Variants in GRIN2A observed in about 807,000 individuals in gnomAD.
GRIN2A encodes the protein glutamate receptor ionotropic, NMDA 2A.
A neutral mutation model predicts 113.4 loss-of-function variants in GRIN2A; 22 were observed. The observed-to-expected ratio is 0.19, with a 90% CI of 0.14 to 0.28. The LOEUF (loss-of-function observed/expected upper bound fraction) is 0.28. GRIN2A is among the 10% of genes least tolerant of loss of function. GRIN2A has a pLI of 1.00. For synonymous variants in GRIN2A, 827 were observed against 738.4 expected (o/e 1.12, Z -1.94); for missense variants, 1,502 against 1,887.0 (o/e 0.80, Z 3.78).
intron 2 of GRIN2A, among the ~76,000 whole-genome samples, chr16:10,000,769 T>C (rs1291432638): frequency 1.3e-5 from 2 of 152,218 alleles, no homozygotes; most frequent in East Asian, 3.8e-4. Context: ...TCTCTTCCGC[T>C]GCTGTCTTCA....
At position 9,846,073 on chromosome 16, in the gene GRIN2A, A is replaced by C. The variant is rs138930406; in HGVS notation, c.1328+3683T>G. Among the ~76,000 whole-genome samples the C allele has an allele frequency of 2.3e-3, 351 of 152,372 alleles. 1 individual carries two copies. Among genetic ancestry groups the C allele is most frequent in the African/African-American group, 8.1e-3 (337 of 41,600 alleles). On this transcript the variant is annotated intron_variant, in intron 5 of 12. Coordinates refer to ENST00000330684, the MANE Select transcript of GRIN2A (RefSeq NM_001134407.3). ...CAATGTCTGTGTTATTTCACTGTAA[A>C]GGAATTCAGCAAAAATCATTAAAAC...
chr16:9,987,207 C>T (rs1596391031), intron 2 of GRIN2A, among the ~76,000 whole-genome samples: 1 of 152,202 alleles, frequency 6.6e-6, no homozygotes, highest in Non-Finnish European at 1.5e-5. Context: ...AAAACAGAAT[C>T]TAACCCTAAC....
At chr16:9,919,874 C>T (rs572547954) in intron 3 of GRIN2A, among the ~76,000 whole-genome samples, 29 of 152,204 alleles carry the variant, frequency 1.9e-4, no homozygotes, top group Non-Finnish European at 3.7e-4. Context: ...CCTTGGCAGT[C>T]CCCAATCCAA....
In GRIN2A at chr16:10,109,014, T is replaced by TAAAA. The variant is rs56946708; in HGVS notation, c.414+70980_414+70983dup. ...AATGAAACCCAAAGCTGATTCTCTT[T>TAAAA]AAAAAAAAAAAAAAAAAAAAACAAA... is the stretch of plus-strand genomic sequence containing the variant. On this transcript the variant is annotated intron_variant, in intron 2 of 12. Transcript: ENST00000330684. Among the ~76,000 whole-genome samples, 558 of 114,020 alleles carry TAAAA rather than the reference T, an allele frequency of 4.9e-3. 2 individuals carry two copies. Among genetic ancestry groups the TAAAA allele is most frequent in the African/African-American group, 0.022 (517 of 23,822 alleles). 74.8% of individuals were successfully genotyped at this position (114,020 alleles called of 152,430 possible). A position where few individuals can be genotyped will look rare whatever the true frequency, so the allele number is the denominator to read the frequency against.
chr16:9,900,700 C>T (rs1301305831), intron 3 of GRIN2A, among the ~76,000 whole-genome samples: 1 of 152,140 alleles, frequency 6.6e-6, no homozygotes, highest in Non-Finnish European at 1.5e-5. Flanking sequence ...TCAGGCTGCT[C>T]TTGGAACCTG....
chr16:10,143,292 G>A (rs923599147), intron 2 of GRIN2A, among the ~76,000 whole-genome samples: 1 of 152,188 alleles, frequency 6.6e-6, no homozygotes, highest in Non-Finnish European at 1.5e-5. Context: ...GTATTCCAGT[G>A]TGTGGTATAC....
At chr16:10,083,882 A>C (rs953595329) in intron 2 of GRIN2A, among the ~76,000 whole-genome samples, 13 of 152,188 alleles carry the variant, frequency 8.5e-5, no homozygotes, top group Non-Finnish European at 1.6e-4. Flanking sequence ...CAGGTGGATC[A>C]CTAAAGCTCA....
intron 2 of GRIN2A, among the ~76,000 whole-genome samples, chr16:10,150,101 C>A (rs553194850): frequency 1.3e-5 from 2 of 152,288 alleles, no homozygotes; most frequent in South Asian, 4.2e-4. Context: ...AACAGTTGGT[C>A]CCCCTTGATT....
chr16:10,091,944 G>A (rs954961763), intron 2 of GRIN2A, among the ~76,000 whole-genome samples: 1 of 152,116 alleles, frequency 6.6e-6, no homozygotes, highest in African/African-American at 2.4e-5. Flanking sequence ...TGGGGTGATG[G>A]TTGCAAAATC....
chr16:9,908,877 A>G (rs2044078677), intron 3 of GRIN2A, among the ~76,000 whole-genome samples: 1 of 152,156 alleles, frequency 6.6e-6, no homozygotes, highest in African/African-American at 2.4e-5. Flanking sequence ...CCCTGGTGAC[A>G]TTGGGAAAGT....
chr16:10,080,674 G>A (rs535428620), intron 2 of GRIN2A, among the ~76,000 whole-genome samples: 1 of 152,148 alleles, frequency 6.6e-6, no homozygotes, highest in Non-Finnish European at 1.5e-5. Context: ...GGGAGCGATG[G>A]AGTACAGATG....
intron 4 of GRIN2A, among the ~76,000 whole-genome samples, chr16:9,859,430 C>G (rs1459191836): frequency 6.6e-6 from 1 of 151,992 alleles, no homozygotes; most frequent in African/African-American, 2.4e-5. Context: ...ATCAGTACAC[C>G]TACACATATA....
intron 2 of GRIN2A, chr16:10,112,927 TG>T (rs2048647674): frequency 2.5e-6 from 1 of 406,650 alleles, no homozygotes; most frequent in African/African-American, 2.1e-5. Context: ...CATACCCCAG[TG>T]TCCACCTTCG....
At chr16:10,168,975 C>CAAT (rs59963663) in intron 2 of GRIN2A, among the ~76,000 whole-genome samples, 2,743 of 141,506 alleles carry the variant, frequency 0.019, 21 homozygotes, top group East Asian at 0.044. Context: ...CAAATAATAA[C>CAAT]AATAATAATA....
intron 3 of GRIN2A, among the ~76,000 whole-genome samples, chr16:9,927,166 A>AGTGT (rs2044484500): frequency 6.6e-6 from 1 of 152,244 alleles, no homozygotes; most frequent in African/African-American, 2.4e-5. Context: ...CATTGTTAAC[A>AGTGT]GAACTCAAAT....
chr16:9,766,184 G>T (rs2141141679), intron 12 of GRIN2A, among the ~76,000 whole-genome samples: 1 of 152,230 alleles, frequency 6.6e-6, no homozygotes, highest in East Asian at 1.9e-4. Context: ...ACTATGAAGG[G>T]GTTTGTAGGG....
At chr16:10,105,364 G>C (rs888448600) in intron 2 of GRIN2A, among the ~76,000 whole-genome samples, 1 of 152,156 alleles carries the variant, frequency 6.6e-6, no homozygotes, top group African/African-American at 2.4e-5. Flanking sequence ...CTGGGAAATA[G>C]AACAGTCACA....
At chr16:10,123,964 G>C (rs2048879998) in intron 2 of GRIN2A, among the ~76,000 whole-genome samples, 2 of 152,160 alleles carry the variant, frequency 1.3e-5, no homozygotes, top group African/African-American at 2.4e-5. Flanking sequence ...GCACTCAAGA[G>C]GTGAGCTGTT....
chr16:9,948,283 T>TAG (rs892515684), intron 2 of GRIN2A, among the ~76,000 whole-genome samples: 1 of 152,198 alleles, frequency 6.6e-6, no homozygotes, highest in Admixed American at 6.5e-5. Flanking sequence ...AGTTGGGGCT[T>TAG]AGAGAGAGGC....
Sources: allele counts gnomAD v4.1 joint callset (sites outside exome capture counted in the v4.1 genomes callset), GRCh38; gene constraint gnomAD v4.1.1; transcripts MANE v1.5; gene names NCBI Gene and HGNC (gene_info 2026-07-23, HGNC 2026-07-21).